Variants in HSF5 observed in about 807,000 individuals in gnomAD.
The protein encoded by HSF5 is heat shock factor protein 5.
In HSF5, 5 loss-of-function variants were observed where a neutral mutation model predicts 50.8. The observed-to-expected ratio is 0.10, with a 90% CI of 0.05 to 0.21. HSF5 has a LOEUF of 0.21. Ranked by LOEUF, HSF5 falls within the 10% of genes least tolerant of loss-of-function variation. HSF5 has a pLI of 1.00. For synonymous variants in HSF5, 307 were observed against 307.4 expected (o/e 1.00, Z 0.02); for missense variants, 564 against 762.6 (o/e 0.74, Z 3.07).
In HSF5 at chr17:58,488,242, G is replaced by A. The variant is rs781309926; in HGVS notation, c.33C>T (p.Pro11=). The A allele has an allele frequency of 1.1e-5, 16 of 1,507,252 alleles. No homozygotes were observed. The highest frequency in any genetic ancestry group is 9.8e-5 in the East Asian group (4 of 40,840). The allele number at this position is 1,507,252 out of a possible 1,614,324, so 93.4% of individuals were successfully genotyped here. Residue 11 remains proline (P), a synonymous_variant, in exon 1 of 6, where the codon CCC becomes CCT. Coordinates refer to ENST00000323777, the MANE Select transcript of HSF5 (RefSeq NM_001080439.3). This position sits in a 1 kb window ranked among gnomAD's most constrained non-coding sequence, Gnocchi z 4.1. ...GCCACAGCTTGGCGGGGAAGTTGTT[G>A]GGGTTGATGGGGGTGGAGAGCAGCG... MEALLSTPIN[P]NNFPAKLWRL...
chr17:58,426,476 G>A (rs1974297786), intron 5 of HSF5, among the ~76,000 whole-genome samples: 1 of 152,242 alleles, frequency 6.6e-6, no homozygotes, highest in Non-Finnish European at 1.5e-5. Flanking sequence ...GGCTTGAGAG[G>A]TGAAAGGCCC....
chr17:58,441,188 A>G (rs1218739471), intron 5 of HSF5, among the ~76,000 whole-genome samples: 4 of 152,244 alleles, frequency 2.6e-5, no homozygotes, highest in African/African-American at 9.6e-5. Context: ...TTAGAAATCG[A>G]TAACAATAAA....
chr17:58,475,110 CTA>C (rs1974994954), intron 2 of HSF5, among the ~76,000 whole-genome samples: 1 of 152,066 alleles, frequency 6.6e-6, no homozygotes, highest in Non-Finnish European at 1.5e-5. Context: ...CTCTGAAAAT[CTA>C]TAAAACTCAA....
At chr17:58,481,348 A>T (rs1219879001) in intron 1 of HSF5, among the ~76,000 whole-genome samples, 4 of 152,236 alleles carry the variant, frequency 2.6e-5, no homozygotes, top group African/African-American at 9.6e-5. Flanking sequence ...TTAGCAATGT[A>T]AAAAGGAATA....
chr17:58,431,280 C>T (rs1217648007), intron 5 of HSF5, among the ~76,000 whole-genome samples: 1 of 152,150 alleles, frequency 6.6e-6, no homozygotes, highest in African/African-American at 2.4e-5. Flanking sequence ...AACACACATA[C>T]CAAGGCTATA....
rs1337600264 is a variant in HSF5 at position 58,463,105 on chromosome 17, T to C, written c.1219A>G (p.Arg407Gly). Residue 407 changes from arginine to glycine, a missense_variant, in exon 4 of 6, where the codon AGA (arginine) becomes GGA (glycine). Arg to Gly is a moderately radical substitution (Grantham distance 125, BLOSUM62 -2). Transcript: ENST00000323777. ...ENQCPTSPSY[R>G]GQHILANSNN... is the part of the protein sequence containing the mutation. ...GAATTAGCTAAAATGTGTTGGCCTC[T>C]GTAAGACGGAGATGTTGGGCACTGA... The C allele has an allele frequency of 3.2e-5, 52 of 1,614,240 alleles. No homozygotes were observed. The highest frequency in any genetic ancestry group is 4.3e-5 in the Non-Finnish European group (51 of 1,180,040).
At chr17:58,482,297 A>G (rs1567919643) in intron 1 of HSF5, among the ~76,000 whole-genome samples, 1 of 152,042 alleles carries the variant, frequency 6.6e-6, no homozygotes, top group Non-Finnish European at 1.5e-5. Flanking sequence ...TATTCCTTTA[A>G]AGTACAAAAA....
Position 58,421,550 on chromosome 17 carries a change from C to A in HSF5, c.*810G>T, listed in dbSNP as rs895788214. On this transcript the variant is annotated 3_prime_UTR_variant, in exon 6 of 6. Transcript: ENST00000323777. ...ATAATAAAAATATAAAACTTTAAAA[C>A]CTTTAAATCTATCAGCATTTATAAA... 6.6e-6 allele frequency: 1 copy of A among 151,992 alleles called. No homozygotes were observed. Among genetic ancestry groups the A allele is most frequent in the Non-Finnish European group, 1.5e-5 (1 of 67,988 alleles). 9.4% of individuals were successfully genotyped at this position (151,992 alleles called of 1,614,324 possible).
At chr17:58,459,058 A>G (rs1974754470) in intron 4 of HSF5, 113 bp from the exon 5 acceptor site, 15 of 914,374 alleles carry the variant, frequency 1.6e-5, no homozygotes, top group Non-Finnish European at 2.5e-5. Context: ...AAACAAGCTT[A>G]TAAGGCTTTT....
At chr17:58,460,332 T>C (rs891639275) in intron 4 of HSF5, among the ~76,000 whole-genome samples, 1 of 152,188 alleles carries the variant, frequency 6.6e-6, no homozygotes, top group Non-Finnish European at 1.5e-5. Context: ...GTTTCTTTCT[T>C]ACAGTTCCTA....
At chr17:58,461,911 A>C (rs1469799116) in intron 4 of HSF5, among the ~76,000 whole-genome samples, 1 of 152,080 alleles carries the variant, frequency 6.6e-6, no homozygotes, top group Non-Finnish European at 1.5e-5. Flanking sequence ...TTTTGGTATT[A>C]TTTTAAGAGG....
At chr17:58,424,857 T>C (rs951548342) in intron 5 of HSF5, among the ~76,000 whole-genome samples, 2 of 152,076 alleles carry the variant, frequency 1.3e-5, no homozygotes, top group Admixed American at 6.5e-5. Context: ...TTAGGATAAA[T>C]GAAATAAACT....
At position 58,476,081 on chromosome 17, in the gene HSF5, C is replaced by G. The variant is rs1022107556; in HGVS notation, c.925+3812G>C. ...AAAACCTGCAACTTGCTCCCAAGGA[C>G]TGGAGAAAATTTTTAAAAAGGAAGG... On this transcript the variant is annotated intron_variant, in intron 2 of 5. Transcript: ENST00000323777. 1.1e-5 allele frequency: 7 copies of G among 628,596 alleles called. No individual in the cohort carries two copies. In the African/African-American group the frequency reaches 1.3e-4, roughly 12 times the overall value. 38.9% of individuals were successfully genotyped at this position (628,596 alleles called of 1,614,324 possible). A position where few individuals can be genotyped will look rare whatever the true frequency, so the allele number is the denominator to read the frequency against.
chr17:58,462,680 T>G, intron 4 of HSF5, 102 bp downstream of exon 4: 3 of 1,166,596 alleles, frequency 2.6e-6, no homozygotes, highest in Non-Finnish European at 3.6e-6. Context: ...GAACTGGTAT[T>G]AAACCCAAAT....
Position 58,453,353 on chromosome 17 carries a change from G to C in HSF5, c.1720+5415C>G, listed in dbSNP as rs552823030. Among the ~76,000 whole-genome samples, 27 of 152,282 alleles carry C rather than the reference G, an allele frequency of 1.8e-4. No homozygotes were observed. The East Asian group carries it at 2.1e-3, about 12-fold the overall frequency. ...TCACGCCTGCAATCCCAACACTTTG[G>C]GGGGCTAAGGCAGGCAGATCACTTG... On this transcript the variant is annotated intron_variant, in intron 5 of 5. Transcript: ENST00000323777.
chr17:58,446,321 C>T (rs372576579), intron 5 of HSF5, among the ~76,000 whole-genome samples: 1 of 152,180 alleles, frequency 6.6e-6, no homozygotes, highest in East Asian at 1.9e-4. Context: ...AGAAAAGACA[C>T]ATTGAAGAGG....
At chr17:58,475,606 C>G (rs1975002126) in intron 2 of HSF5, among the ~76,000 whole-genome samples, 1 of 152,090 alleles carries the variant, frequency 6.6e-6, no homozygotes, top group Non-Finnish European at 1.5e-5. Context: ...CCCACTTAAC[C>G]CCCCCAAACA....
intron 3 of HSF5, among the ~76,000 whole-genome samples, chr17:58,463,919 A>G (rs1000050063): frequency 6.6e-6 from 1 of 152,232 alleles, no homozygotes; most frequent in Non-Finnish European, 1.5e-5. Context: ...ACTGCTTTGC[A>G]GAGAGTAGGC....
intron 5 of HSF5, among the ~76,000 whole-genome samples, chr17:58,449,915 T>C (rs1202724452): frequency 2.1e-5 from 3 of 141,162 alleles, no homozygotes; most frequent in Non-Finnish European, 4.6e-5. Context: ...CCCAGCTACT[T>C]GGGAGGCTGA....
Sources: allele counts gnomAD v4.1 joint callset (sites outside exome capture counted in the v4.1 genomes callset), GRCh38; gene constraint gnomAD v4.1.1; non-coding constraint Gnocchi (gnomAD v3.1); transcripts MANE v1.5; gene names NCBI Gene and HGNC (gene_info 2026-07-23, HGNC 2026-07-21).